Variants in NCOA2 observed in about 807,000 individuals in gnomAD.
NCOA2 encodes the protein class E basic helix-loop-helix protein 75.
In NCOA2, 21 loss-of-function variants were observed where a neutral mutation model predicts 145.1. That is an observed-to-expected ratio of 0.14 (90% CI 0.10 to 0.21). NCOA2 has a LOEUF of 0.21. Among genes scored for constraint, NCOA2 ranks in the 10% least tolerant of loss-of-function variants. NCOA2 has a pLI of 1.00. For missense variants in NCOA2, 1,472 were observed against 1,837.6 expected (o/e 0.80, Z 3.64); for synonymous variants, 619 against 637.5 (o/e 0.97, Z 0.44).
At chr8:70,145,686 G>A (rs1810979670) in intron 12 of NCOA2, among the ~76,000 whole-genome samples, 1 of 146,700 alleles carries the variant, frequency 6.8e-6, no homozygotes, top group East Asian at 2.0e-4. Context: ...CAGCACAATT[G>A]TAGTTAACTG....
At chr8:70,357,982 C>A (rs551633584) in intron 1 of NCOA2, among the ~76,000 whole-genome samples, 23 of 151,922 alleles carry the variant, frequency 1.5e-4, no homozygotes, top group Middle Eastern at 3.4e-3. Flanking sequence ...ACCTGGGAGG[C>A]GGAGGATGCA....
At chr8:70,314,586 A>G (rs1470167413) in intron 1 of NCOA2, among the ~76,000 whole-genome samples, 2 of 152,214 alleles carry the variant, frequency 1.3e-5, no homozygotes, top group Non-Finnish European at 2.9e-5. Context: ...GAAACATTGA[A>G]AAGTGAGGGT....
chr8:70,389,190 C>G (rs1812951746), intron 1 of NCOA2, among the ~76,000 whole-genome samples: 1 of 152,198 alleles, frequency 6.6e-6, no homozygotes, highest in African/African-American at 2.4e-5. Context: ...TTCCTCCCAA[C>G]TGACCCAAGC....
chr8:70,183,924 G>A (rs1291966542), intron 4 of NCOA2, among the ~76,000 whole-genome samples: 5 of 152,164 alleles, frequency 3.3e-5, no homozygotes, highest in Admixed American at 3.3e-4. Flanking sequence ...ATTCACAGCT[G>A]TGAATACAGT....
the NCOA2 span, among the ~76,000 whole-genome samples, chr8:70,422,685 G>A: frequency 1.6e-4 from 24 of 152,030 alleles, no homozygotes; most frequent in Non-Finnish European, 3.4e-4. Context: ...TTACAGGTGT[G>A]AGCCACTGAG....
intron 19 of NCOA2, among the ~76,000 whole-genome samples, chr8:70,126,005 C>T (rs1368184603): frequency 6.6e-6 from 1 of 152,116 alleles, no homozygotes; most frequent in Non-Finnish European, 1.5e-5. Flanking sequence ...AAAAGAAAAG[C>T]TTAAGATCAT....
the NCOA2 span, among the ~76,000 whole-genome samples, chr8:70,409,244 T>A: frequency 6.6e-6 from 1 of 152,178 alleles, no homozygotes; most frequent in African/African-American, 2.4e-5. Flanking sequence ...TTACCTAGAA[T>A]AGCCAAGACA....
intron 1 of NCOA2, among the ~76,000 whole-genome samples, chr8:70,317,864 G>A (rs1586472855): frequency 6.6e-6 from 1 of 152,090 alleles, no homozygotes; most frequent in South Asian, 2.1e-4. Context: ...ATTCGAGGCT[G>A]CAGTGAGCTA....
At chr8:70,280,963 G>T (rs893290656) in intron 2 of NCOA2, among the ~76,000 whole-genome samples, 3 of 151,810 alleles carry the variant, frequency 2.0e-5, no homozygotes, top group Admixed American at 2.0e-4. Flanking sequence ...ATCTGCAGGG[G>T]AAGGCAGAGG....
intron 2 of NCOA2, among the ~76,000 whole-genome samples, chr8:70,264,270 C>T (rs1272262490): frequency 6.6e-6 from 1 of 151,566 alleles, no homozygotes; most frequent in Non-Finnish European, 1.5e-5. Flanking sequence ...CTAACCCCGC[C>T]ACTTTGGGAG....
At chr8:70,287,679 T>C (rs1208051525) in intron 2 of NCOA2, among the ~76,000 whole-genome samples, 1 of 152,244 alleles carries the variant, frequency 6.6e-6, no homozygotes, top group East Asian at 1.9e-4. Context: ...CATAATATCA[T>C]TTCTGTAACC....
intron 2 of NCOA2, among the ~76,000 whole-genome samples, chr8:70,225,290 C>T (rs555351161): frequency 1.3e-5 from 2 of 152,114 alleles, no homozygotes; most frequent in African/African-American, 2.4e-5. Flanking sequence ...GTGGCTCACG[C>T]CTGTAATCCC....
chr8:70,371,103 C>G lies in NCOA2; in HGVS notation c.-77+32597G>C, dbSNP rs1032580167. Reference sequence around the variant, plus strand: ...GAGATCAAGACCATCCTGGCTAACACAGTGAAACCCCCGTCTCTACTAAAA... The same window carrying G: ...GAGATCAAGACCATCCTGGCTAACAGAGTGAAACCCCCGTCTCTACTAAAA... On this transcript the variant is annotated intron_variant, in intron 1 of 22. Transcript: ENST00000452400. Among the ~76,000 whole-genome samples, 6 of 151,930 alleles carry G rather than the reference C, an allele frequency of 3.9e-5. No individual in the cohort carries two copies. The East Asian group carries it at 7.8e-4, about 20-fold the overall frequency.
chr8:70,243,391 A>G (rs1822325330), intron 2 of NCOA2, among the ~76,000 whole-genome samples: 1 of 152,104 alleles, frequency 6.6e-6, no homozygotes, highest in Admixed American at 6.6e-5. Flanking sequence ...CCTATAAGAT[A>G]CAGGATAATT....
At chr8:70,444,052 A>C in the NCOA2 span, among the ~76,000 whole-genome samples, 7 of 152,250 alleles carry the variant, frequency 4.6e-5, no homozygotes, top group Non-Finnish European at 2.9e-5. Context: ...ATGTTCACAC[A>C]CAAACATGTA....
At chr8:70,152,237 C>G (rs1376945966) in intron 11 of NCOA2, among the ~76,000 whole-genome samples, 1 of 152,060 alleles carries the variant, frequency 6.6e-6, no homozygotes. Context: ...GACTTGATTT[C>G]TTTAATTTTT....
chr8:70,124,934 G>A, intron 19 of NCOA2, 69 bp from the exon 20 acceptor site: 1 of 1,376,528 alleles, frequency 7.3e-7, no homozygotes, highest in Non-Finnish European at 9.7e-7. Context: ...CTGGTGGGGG[G>A]GAAAGAACAT....
chr8:70,241,891 CAAAAGA>C (rs938101981), intron 2 of NCOA2, among the ~76,000 whole-genome samples: 5 of 151,878 alleles, frequency 3.3e-5, no homozygotes, highest in Admixed American at 1.3e-4. Flanking sequence ...TTTTCCTCAT[CAAAAGA>C]AAAAGTAAAA....
At chr8:70,325,450 T>C (rs532982119) in intron 1 of NCOA2, among the ~76,000 whole-genome samples, 4 of 151,552 alleles carry the variant, frequency 2.6e-5, no homozygotes, top group Admixed American at 2.6e-4. Flanking sequence ...TTTTTTTTTT[T>C]AAACACTCTG....
Sources: gnomAD v4.1 joint callset for allele counts (sites outside exome capture counted in the v4.1 genomes callset) on GRCh38, gnomAD v4.1.1 for gene constraint, MANE v1.5 for transcripts, NCBI Gene and HGNC (gene_info 2026-07-23, HGNC 2026-07-21) for gene names.